Variants in MARCHF1 observed in about 807,000 individuals in gnomAD.
The protein encoded by MARCHF1 is membrane associated ring-CH-type finger 1.
In MARCHF1, 40 loss-of-function variants were observed where a neutral mutation model predicts 54.2. The observed-to-expected ratio is 0.74, with a 90% CI of 0.57 to 0.96. The LOEUF is 0.96. Among genes scored for constraint, MARCHF1 ranks in the 40% least tolerant of loss-of-function variants. The pLI is 0.00. For synonymous variants in MARCHF1, 236 were observed against 236.3 expected, an observed-to-expected ratio of 1.00 and a Z score of 0.01; for missense variants, 586 against 656.5, an observed-to-expected ratio of 0.89 and a Z score of 1.17.
intron 4 of MARCHF1, among the ~76,000 whole-genome samples, chr4:163,764,808 C>G (rs1746928437): frequency 5.9e-5 from 9 of 152,032 alleles, no homozygotes; most frequent in Admixed American, 5.9e-4. Context: ...ATACCATAAC[C>G]TGAGACCAGT....
chr4:164,155,230 C>T (rs2110921973), intron 1 of MARCHF1, among the ~76,000 whole-genome samples: 1 of 152,146 alleles, frequency 6.6e-6, no homozygotes, highest in East Asian at 1.9e-4. Flanking sequence ...AGGGTGGGGC[C>T]TTTGCCAGGG....
chr4:164,024,839 C>A (rs946069916), intron 2 of MARCHF1, among the ~76,000 whole-genome samples: 1 of 152,062 alleles, frequency 6.6e-6, no homozygotes, highest in Admixed American at 6.6e-5. Context: ...CTTCAATAGA[C>A]CCATCTCACA....
At chr4:164,074,687 T>C (rs1387097207) in intron 2 of MARCHF1, among the ~76,000 whole-genome samples, 2 of 152,086 alleles carry the variant, frequency 1.3e-5, no homozygotes, top group Non-Finnish European at 2.9e-5. Context: ...AATTTCTCTG[T>C]TATGTTTTGA....
At position 163,610,014 on chromosome 4, in the gene MARCHF1, C is replaced by T. The variant is rs62334275; in HGVS notation, c.1010+2257G>A. Among the ~76,000 whole-genome samples, 670 of 152,114 alleles carry T rather than the reference C, an allele frequency of 4.4e-3. 2 individuals are homozygous for T. The highest frequency in any genetic ancestry group is 0.027 in the Middle Eastern group (8 of 294). On this transcript the variant is annotated intron_variant, in intron 7 of 9. Transcript: ENST00000514618. ...CATGTAAAATTCATAAATGCAAGTG[C>T]CAGTGTCCCATCCCTGTTGTGCTAA...
chr4:163,660,572 TA>T (rs112938692), intron 5 of MARCHF1, among the ~76,000 whole-genome samples: 38 of 143,806 alleles, frequency 2.6e-4, no homozygotes, highest in Middle Eastern at 3.5e-3. Context: ...AAGTAAAACT[TA>T]AAAAAAAAAA....
intron 2 of MARCHF1, among the ~76,000 whole-genome samples, chr4:163,998,568 T>C (rs144970563): frequency 5.3e-5 from 8 of 151,850 alleles, no homozygotes; most frequent in Middle Eastern, 3.4e-3. Flanking sequence ...TTAACTATAG[T>C]CACCATTGTG....
At chr4:164,191,658 A>G (rs1731127004) in intron 1 of MARCHF1, among the ~76,000 whole-genome samples, 1 of 152,178 alleles carries the variant, frequency 6.6e-6, no homozygotes, top group African/African-American at 2.4e-5. Flanking sequence ...GAAAAATCAC[A>G]ATTTGGCAAA....
rs536573095 is a variant in MARCHF1, at chr4:163,739,238, C to A, written c.112-38375G>T. Among the ~76,000 whole-genome samples, 123 of 152,172 alleles carry A rather than the reference C, an allele frequency of 8.1e-4. 1 individual carries two copies. The highest frequency in any genetic ancestry group is 6.8e-3 in the Middle Eastern group (2 of 294). ...GTGAAGGGATTTTATACTCTTCCTC[C>A]CAAGTGGTATATTACAGAGACTCCT... On this transcript the variant is annotated intron_variant, in intron 4 of 9. Transcript: ENST00000514618.
chr4:163,636,358 C>T (rs2111014647), intron 5 of MARCHF1, among the ~76,000 whole-genome samples: 1 of 142,328 alleles, frequency 7.0e-6, no homozygotes, highest in Middle Eastern at 3.6e-3. Context: ...ATTGTCTCAG[C>T]CCAAAGTCTC....
chr4:164,225,439 G>T (rs1349568392), intron 1 of MARCHF1, among the ~76,000 whole-genome samples: 7 of 151,942 alleles, frequency 4.6e-5, no homozygotes, highest in Non-Finnish European at 8.8e-5. Flanking sequence ...ATTATTTTTT[G>T]GGGGATGGGG....
chr4:164,309,556 G>T (rs186227911), intron 1 of MARCHF1, among the ~76,000 whole-genome samples: 1 of 152,260 alleles, frequency 6.6e-6, no homozygotes, highest in East Asian at 1.9e-4. Flanking sequence ...GGCTGTGGTG[G>T]CATCATGATT....
intron 3 of MARCHF1, among the ~76,000 whole-genome samples, chr4:163,984,167 C>CTA (rs1752817129): frequency 1.3e-5 from 2 of 151,738 alleles, no homozygotes; most frequent in African/African-American, 2.4e-5. Flanking sequence ...GGCCCATGAG[C>CTA]TATCATTGGA....
chr4:164,218,618 C>T (rs901733309), intron 1 of MARCHF1, among the ~76,000 whole-genome samples: 2 of 146,108 alleles, frequency 1.4e-5, no homozygotes, highest in Non-Finnish European at 3.0e-5. Flanking sequence ...CCAAACACCA[C>T]ATTTTCTCAC....
intron 5 of MARCHF1, among the ~76,000 whole-genome samples, chr4:163,659,083 T>C (rs1315639778): frequency 6.6e-6 from 1 of 151,970 alleles, no homozygotes; most frequent in Non-Finnish European, 1.5e-5. Flanking sequence ...AAAAATATGG[T>C]ATTAGTTTAT....
chr4:163,829,947 T>C (rs984569454), intron 4 of MARCHF1, among the ~76,000 whole-genome samples: 18 of 152,340 alleles, frequency 1.2e-4, no homozygotes, highest in African/African-American at 4.1e-4. Flanking sequence ...AAATAGCAGA[T>C]AGATATTATC....
At chr4:164,012,377 A>C (rs923477632) in intron 2 of MARCHF1, among the ~76,000 whole-genome samples, 2 of 152,134 alleles carry the variant, frequency 1.3e-5, no homozygotes, top group African/African-American at 4.8e-5. Context: ...AGCATCAGGA[A>C]GATTCCTGAA....
chr4:163,755,786 C>T (rs1394430448), intron 4 of MARCHF1, among the ~76,000 whole-genome samples: 1 of 152,076 alleles, frequency 6.6e-6, no homozygotes, highest in South Asian at 2.1e-4. Context: ...GAAAACTGAG[C>T]AAGCTCAATA....
intron 1 of MARCHF1, chr4:164,189,477 T>A: frequency 1.4e-6 from 1 of 715,696 alleles, no homozygotes; most frequent in Non-Finnish European, 2.5e-6. Context: ...CTACTCGAAT[T>A]CCAAAGATTC....
intron 2 of MARCHF1, among the ~76,000 whole-genome samples, chr4:164,084,533 A>G (rs1755158633): frequency 1.3e-5 from 2 of 151,928 alleles, no homozygotes; most frequent in South Asian, 4.1e-4. Context: ...CATTATATAA[A>G]TGTAATAAGC....
Sources: gnomAD v4.1 joint callset for allele counts (sites outside exome capture counted in the v4.1 genomes callset) on GRCh38, gnomAD v4.1.1 for gene constraint, MANE v1.5 for transcripts, NCBI Gene and HGNC (gene_info 2026-07-23, HGNC 2026-07-21) for gene names.